DNAH6: variants seen among roughly 807,000 people sequenced by gnomAD.
DNAH6 encodes the protein dynein axonemal heavy chain 6, also known as axonemal beta dynein heavy chain 6.
Under a neutral mutation model 491.4 loss-of-function variants are expected in DNAH6, and 340 were observed. The observed-to-expected ratio is 0.69, with a 90% CI of 0.63 to 0.76. The LOEUF is 0.76. DNAH6 is among the 30% of genes least tolerant of loss of function. The pLI, the probability that DNAH6 is intolerant of heterozygous loss-of-function variation, is 0.00. For synonymous variants in DNAH6, 1,603 were observed against 1,686.1 expected (o/e 0.95, Z 1.21); for missense variants, 4,443 against 4,972.2 (o/e 0.89, Z 3.20).
chr2:84,655,744 A>G (rs910186739), intron 35 of DNAH6, among the ~76,000 whole-genome samples: 1 of 152,108 alleles, frequency 6.6e-6, no homozygotes, highest in Non-Finnish European at 1.5e-5. Context: ...GAGAGTTCCC[A>G]TGCACTCCCT....
At chr2:84,622,565 T>C (rs966316871) in intron 26 of DNAH6, among the ~76,000 whole-genome samples, 2 of 152,152 alleles carry the variant, frequency 1.3e-5, no homozygotes, top group African/African-American at 4.8e-5. Context: ...ATTCTCTTTA[T>C]CCGTTCATCC....
chr2:84,488,035 A>G, the DNAH6 span, among the ~76,000 whole-genome samples: 1 of 152,184 alleles, frequency 6.6e-6, no homozygotes, highest in Non-Finnish European at 1.5e-5. Flanking sequence ...CTACTTTTGT[A>G]CTCAGTTTGA....
At chr2:84,557,156 C>A (rs1475007024) in intron 10 of DNAH6, among the ~76,000 whole-genome samples, 1 of 152,112 alleles carries the variant, frequency 6.6e-6, no homozygotes, top group Non-Finnish European at 1.5e-5. Context: ...TCCATTATGA[C>A]TTGCTAGTGT....
At chr2:84,691,828 T>C (rs1016561335) in intron 45 of DNAH6, among the ~76,000 whole-genome samples, 2 of 152,250 alleles carry the variant, frequency 1.3e-5, no homozygotes, top group Admixed American at 6.5e-5. Context: ...TCTTATCTCA[T>C]GGGTCATTAA....
intron 14 of DNAH6, among the ~76,000 whole-genome samples, chr2:84,581,855 C>T (rs4832099): frequency 0.93 from 142,078 of 152,316 alleles, 66,302 homozygotes; most frequent in East Asian, 0.99. Flanking sequence ...ATGAGGTGAC[C>T]TATAGGTATC....
At chr2:84,542,810 A>G (rs1157905392) in intron 4 of DNAH6, among the ~76,000 whole-genome samples, 1 of 152,226 alleles carries the variant, frequency 6.6e-6, no homozygotes, top group Non-Finnish European at 1.5e-5. Context: ...ACATATATAC[A>G]TGAATTTTCC....
intron 47 of DNAH6, 54 bp from the exon 48 acceptor site, chr2:84,699,540 T>C: frequency 6.8e-7 from 1 of 1,479,870 alleles, no homozygotes. Context: ...ACACTTATTT[T>C]CATTGTTGCT....
upstream of DNAH6, among the ~76,000 whole-genome samples, chr2:84,511,760 A>G (rs1034415560): frequency 3.9e-5 from 6 of 152,146 alleles, no homozygotes; most frequent in Non-Finnish European, 8.8e-5. Context: ...TTTTTCCTGC[A>G]TATATTGAGT....
the DNAH6 span, among the ~76,000 whole-genome samples, chr2:84,468,079 TTTTTA>T: frequency 1.3e-5 from 2 of 152,232 alleles, no homozygotes; most frequent in Non-Finnish European, 2.9e-5. Flanking sequence ...AGACTAAATG[TTTTTA>T]TTTTATCAAT....
intron 74 of DNAH6, 23 bp downstream of exon 74, chr2:84,813,153 C>A (rs904971250): frequency 1.3e-6 from 2 of 1,526,708 alleles, no homozygotes; most frequent in Non-Finnish European, 1.8e-6. Flanking sequence ...TCTAGAAAAA[C>A]CCCATAGGAA....
rs1434977608 is a variant in DNAH6, at chr2:84,699,694, C to T, written c.7778C>T (p.Pro2593Leu). 2 of 1,551,748 alleles carry T rather than the reference C, an allele frequency of 1.3e-6. No individual in the cohort carries two copies. The highest frequency in any genetic ancestry group is 4.9e-5 in the East Asian group (2 of 40,926). Residue 2593 changes from proline to leucine, a missense_variant, in exon 48 of 77, where the codon CCA becomes CTA. Coordinates refer to ENST00000389394, the MANE Select transcript of DNAH6 (RefSeq NM_001370.2). ...TTTCGGTCCCGATGCAGGATGTTTCCATCCCTTGTGAATTGCTGCACCATT... is the reference window on the plus strand; with the variant it reads ...TTTCGGTCCCGATGCAGGATGTTTCTATCCCTTGTGAATTGCTGCACCATT... ...EAFRSRCRMFPSLVNCCTIDW... is the reference protein window; with the variant it reads ...EAFRSRCRMFLSLVNCCTIDW...
chr2:84,585,958 AC>A (rs1427615892), intron 15 of DNAH6, among the ~76,000 whole-genome samples: 3 of 152,152 alleles, frequency 2.0e-5, no homozygotes, highest in Non-Finnish European at 4.4e-5. Flanking sequence ...GTGGGGCCTC[AC>A]CGGGGACCCA....
intron 21 of DNAH6, among the ~76,000 whole-genome samples, chr2:84,609,414 T>C (rs748944010): frequency 1.9e-4 from 29 of 152,136 alleles, no homozygotes; most frequent in Non-Finnish European, 2.2e-4. Context: ...TCCTTTCACT[T>C]GAACACTTAA....
chr2:84,465,734 C>T, the DNAH6 span, among the ~76,000 whole-genome samples: 28 of 152,152 alleles, frequency 1.8e-4, no homozygotes, highest in Non-Finnish European at 2.8e-4. Flanking sequence ...TTACATTACC[C>T]AACCCTCTTG....
At chr2:84,749,271 A>T (rs1358632328) in intron 63 of DNAH6, among the ~76,000 whole-genome samples, 3 of 152,234 alleles carry the variant, frequency 2.0e-5, no homozygotes, top group Non-Finnish European at 4.4e-5. Context: ...ATGCAAGACC[A>T]TTGAGAGTGT....
At chr2:84,789,855 CT>C (rs1264486291) in intron 68 of DNAH6, among the ~76,000 whole-genome samples, 1 of 152,122 alleles carries the variant, frequency 6.6e-6, no homozygotes, top group African/African-American at 2.4e-5. Context: ...CTCCCTCTGA[CT>C]TCTGTGCTTC....
At chr2:84,649,683 T>C (rs1690231315) in intron 33 of DNAH6, among the ~76,000 whole-genome samples, 1 of 152,084 alleles carries the variant, frequency 6.6e-6, no homozygotes, top group Non-Finnish European at 1.5e-5. Flanking sequence ...TGGATGAAGC[T>C]GGACACCATT....
intron 65 of DNAH6, among the ~76,000 whole-genome samples, chr2:84,783,771 A>T (rs1165551745): frequency 2.0e-5 from 3 of 152,224 alleles, no homozygotes; most frequent in African/African-American, 7.2e-5. Flanking sequence ...ACAATGAATA[A>T]ACCACATGGT....
intron 41 of DNAH6, among the ~76,000 whole-genome samples, chr2:84,677,386 A>G (rs1287017476): frequency 1.3e-5 from 2 of 152,160 alleles, no homozygotes; most frequent in Admixed American, 1.3e-4. Flanking sequence ...CCCTACCTTT[A>G]GAGAAGGCTG....
Sources: allele counts gnomAD v4.1 joint callset (sites outside exome capture counted in the v4.1 genomes callset), GRCh38; gene constraint gnomAD v4.1.1; transcripts MANE v1.5; gene names NCBI Gene and HGNC (gene_info 2026-07-23, HGNC 2026-07-21).